ITGB6: variants seen among roughly 807,000 people sequenced by gnomAD.
ITGB6 encodes the protein integrin subunit beta 6.
ITGB6 carries 80 observed loss-of-function variants against 84.5 expected under a neutral mutation model. The observed-to-expected ratio is 0.95, with a 90% confidence interval of 0.79 to 1.14. The LOEUF (loss-of-function observed/expected upper bound fraction) is 1.14, where lower values mean the gene tolerates loss of function less well. Ranked by LOEUF, ITGB6 falls within the 50% of genes most tolerant of loss-of-function variation. The pLI is 0.00. For missense variants in ITGB6, 1,006 were observed against 968.0 expected, an observed-to-expected ratio of 1.04 and a Z score of -0.52; for synonymous variants, 383 against 354.9, an observed-to-expected ratio of 1.08 and a Z score of -0.89.
intron 4 of ITGB6, among the ~76,000 whole-genome samples, chr2:160,186,757 C>T (rs1297284336): frequency 6.6e-6 from 1 of 152,162 alleles, no homozygotes; most frequent in African/African-American, 2.4e-5. Context: ...AAATATGGCA[C>T]ATATACACCA....
chr2:160,156,206 A>G (rs1251156781), intron 7 of ITGB6, among the ~76,000 whole-genome samples: 4 of 152,198 alleles, frequency 2.6e-5, no homozygotes, highest in South Asian at 2.1e-4. Flanking sequence ...TCTGTTGGGT[A>G]TTTGACCACA....
chr2:160,158,894 A>T (rs893216219), intron 7 of ITGB6, among the ~76,000 whole-genome samples: 11 of 152,050 alleles, frequency 7.2e-5, no homozygotes, highest in Non-Finnish European at 1.0e-4. Context: ...AAGTCAGGAG[A>T]TCGAGGCCAT....
chr2:160,167,397 C>A (rs1279924562), intron 7 of ITGB6, among the ~76,000 whole-genome samples: 1 of 152,114 alleles, frequency 6.6e-6, no homozygotes, highest in East Asian at 1.9e-4. Flanking sequence ...ATGAGCCCAT[C>A]AAAATAAAAA....
intron 7 of ITGB6, among the ~76,000 whole-genome samples, chr2:160,162,427 G>A (rs1005089239): frequency 2.6e-5 from 4 of 151,954 alleles, no homozygotes; most frequent in African/African-American, 7.3e-5. Context: ...AAACAAATGT[G>A]AGAATGACAA....
chr2:160,124,468 G>A (rs1041360065), intron 11 of ITGB6, among the ~76,000 whole-genome samples: 2 of 152,164 alleles, frequency 1.3e-5, no homozygotes, highest in African/African-American at 4.8e-5. Flanking sequence ...CATTAATACA[G>A]GCTTTTAAAT....
intron 7 of ITGB6, among the ~76,000 whole-genome samples, chr2:160,153,837 C>G (rs966026651): frequency 8.5e-5 from 13 of 152,126 alleles, no homozygotes; most frequent in Non-Finnish European, 1.8e-4. Context: ...AAAAATCGCT[C>G]GTCATCACTG....
intron 12 of ITGB6, among the ~76,000 whole-genome samples, chr2:160,115,601 G>A (rs1682730978): frequency 6.6e-6 from 1 of 152,248 alleles, no homozygotes; most frequent in Non-Finnish European, 1.5e-5. Context: ...AAAAAGCAGA[G>A]TGCCTCTCCT....
At chr2:160,116,920 C>A (rs1682800134) in intron 12 of ITGB6, among the ~76,000 whole-genome samples, 2 of 151,418 alleles carry the variant, frequency 1.3e-5, no homozygotes, top group East Asian at 1.9e-4. Flanking sequence ...ACAAAGAAGG[C>A]CATTACATAA....
intron 4 of ITGB6, among the ~76,000 whole-genome samples, chr2:160,174,821 A>C (rs1685352522): frequency 6.6e-6 from 1 of 152,254 alleles, no homozygotes; most frequent in Non-Finnish European, 1.5e-5. Context: ...ACTTTGGGCA[A>C]GTTACTCAAC....
intron 7 of ITGB6, among the ~76,000 whole-genome samples, chr2:160,158,845 A>G (rs943279008): frequency 6.6e-6 from 1 of 152,216 alleles, no homozygotes; most frequent in Non-Finnish European, 1.5e-5. Context: ...TCATGCCTGT[A>G]ATCCCAGCAC....
At chr2:160,143,549 T>C (rs1367118532) in intron 7 of ITGB6, among the ~76,000 whole-genome samples, 1 of 152,160 alleles carries the variant, frequency 6.6e-6, no homozygotes, top group African/African-American at 2.4e-5. Flanking sequence ...CAACAACCAC[T>C]CTTTCTTTCA....
chr2:160,136,712 T>C (rs957168579), intron 10 of ITGB6, among the ~76,000 whole-genome samples: 6 of 152,216 alleles, frequency 3.9e-5, no homozygotes, highest in Non-Finnish European at 8.8e-5. Flanking sequence ...CATGGAATAC[T>C]ATGCAGCCTT....
rs1685310171 is a variant in ITGB6, at chr2:160,173,877, C to T, written c.759+97G>A. The T allele has an allele frequency of 2.8e-6, 3 of 1,077,470 alleles. No homozygotes were observed. The African/African-American group carries it at 5.1e-5, about 18-fold the overall frequency. The allele number at this position is 1,077,470 out of a possible 1,614,324, so 66.7% of individuals were successfully genotyped here. A position where few individuals can be genotyped will look rare whatever the true frequency, so the allele number is the denominator to read the frequency against. On this transcript the variant is annotated intron_variant, in intron 5 of 14. Transcript: ENST00000283249. ...ATATGAAATATAGAAATTTAGAGAT[C>T]AAAGGAAAGGAAATTAGCTAATCTT...
intron 4 of ITGB6, among the ~76,000 whole-genome samples, chr2:160,194,535 A>C (rs1291607814): frequency 2.6e-5 from 4 of 151,870 alleles, no homozygotes; most frequent in Admixed American, 6.6e-5. Context: ...CTAATCTCTC[A>C]GAGCCTCTTA....
intron 8 of ITGB6, among the ~76,000 whole-genome samples, chr2:160,140,618 G>C (rs1441621567): frequency 1.3e-5 from 2 of 152,156 alleles, no homozygotes; most frequent in Non-Finnish European, 2.9e-5. Flanking sequence ...GCATGAGAGG[G>C]AGGAAGGTTT....
At chr2:160,172,849 C>A in intron 5 of ITGB6, 119 bp from the exon 6 acceptor site, 1 of 703,506 alleles carries the variant, frequency 1.4e-6, no homozygotes, top group Admixed American at 2.4e-5. Flanking sequence ...TCTATTTTAG[C>A]CTTTTTATCT....
intron 4 of ITGB6, among the ~76,000 whole-genome samples, chr2:160,176,463 A>C (rs905136690): frequency 3.9e-5 from 6 of 152,034 alleles, no homozygotes; most frequent in African/African-American, 1.4e-4. Flanking sequence ...CCTAATTATT[A>C]TGTTTAACTT....
intron 12 of ITGB6, among the ~76,000 whole-genome samples, chr2:160,122,101 AT>A (rs1053482445): frequency 2.0e-5 from 3 of 152,170 alleles, no homozygotes; most frequent in South Asian, 2.1e-4. Context: ...AATTAAAAAC[AT>A]TTTTTTCTCT....
At chr2:160,160,866 T>A (rs771946783) in intron 7 of ITGB6, among the ~76,000 whole-genome samples, 1 of 152,170 alleles carries the variant, frequency 6.6e-6, no homozygotes, top group Non-Finnish European at 1.5e-5. Context: ...GGTAACTGAA[T>A]TATGCAGGAG....
Sources: allele counts gnomAD v4.1 joint callset (sites outside exome capture counted in the v4.1 genomes callset), GRCh38; gene constraint gnomAD v4.1.1; transcripts MANE v1.5; gene names NCBI Gene and HGNC (gene_info 2026-07-23, HGNC 2026-07-21).